The following CHD6 variants were observed in gnomAD, a reference collection of about 807,000 sequenced individuals.
The protein encoded by CHD6 is chromodomain helicase DNA binding protein 6.
Under a neutral mutation model 276.9 loss-of-function variants are expected in CHD6, and 50 were observed. The observed-to-expected ratio is 0.18, with a 90% confidence interval of 0.14 to 0.23. The LOEUF is 0.23. Ranked by LOEUF, CHD6 falls within the 10% of genes least tolerant of loss-of-function variation. The pLI is 1.00. For missense variants in CHD6, 2,564 were observed against 3,365.8 expected, an observed-to-expected ratio of 0.76 and a Z score of 5.89; for synonymous variants, 1,173 against 1,229.3, an observed-to-expected ratio of 0.95 and a Z score of 0.96.
At chr20:41,497,748 A>T in intron 7 of CHD6, 1 of 525,946 alleles carries the variant, frequency 1.9e-6, no homozygotes, top group East Asian at 3.3e-5. Context: ...GAACAGAGGC[A>T]GGGCAGCTGT....
In CHD6 at chr20:41,404,642, G is replaced by A. The variant is rs1179263967; in HGVS notation, c.8099C>T (p.Ala2700Val). The change falls in exon 37 of 37, where the codon GCA (alanine) becomes GTA (valine). Residue 2700 changes from alanine (A) to valine (V), a missense_variant. By Grantham distance (64) the Ala-to-Val change is moderately conservative. Coordinates refer to ENST00000373233, the MANE Select transcript of CHD6 (RefSeq NM_032221.5). ...APLPAEREHGAQAGEGALKDS... is the reference protein window; with the variant it reads ...APLPAEREHGVQAGEGALKDS... Reference sequence around the variant, plus strand: ...TTTGAGTGCCCCCTCCCCAGCCTGTGCCCCATGTTCTCTCTCTGCGGGCAA... The same window carrying A: ...TTTGAGTGCCCCCTCCCCAGCCTGTACCCCATGTTCTCTCTCTGCGGGCAA... 2.0e-6 allele frequency: 3 copies of A among 1,516,728 alleles called. No homozygotes were observed. The highest frequency in any genetic ancestry group is 2.6e-6 in the Non-Finnish European group (3 of 1,132,576). The allele number at this position is 1,516,728 out of a possible 1,614,324, so 94.0% of individuals were successfully genotyped here.
At chr20:41,546,682 A>G (rs538078395) in intron 2 of CHD6, among the ~76,000 whole-genome samples, 7 of 152,326 alleles carry the variant, frequency 4.6e-5, no homozygotes, top group South Asian at 4.1e-4. Flanking sequence ...TAGGTTTTCA[A>G]TGATTAGAGT....
intron 25 of CHD6, among the ~76,000 whole-genome samples, chr20:41,443,244 C>T (rs1175931696): frequency 6.6e-6 from 1 of 152,202 alleles, no homozygotes; most frequent in Non-Finnish European, 1.5e-5. Context: ...TTGGGAGCGA[C>T]CTTATGTATC....
chr20:41,471,423 C>G (rs1356888663), intron 17 of CHD6, among the ~76,000 whole-genome samples: 1 of 152,120 alleles, frequency 6.6e-6, no homozygotes, highest in Non-Finnish European at 1.5e-5. Context: ...ATCTTTTCAC[C>G]AGTAGAAAGA....
chr20:41,460,463 G>T (rs1030802020), intron 17 of CHD6, among the ~76,000 whole-genome samples: 2 of 152,144 alleles, frequency 1.3e-5, no homozygotes, highest in African/African-American at 4.8e-5. Context: ...GGTTTTGTGG[G>T]CTGGGCCCAG....
intron 6 of CHD6, 96 bp downstream of exon 6, chr20:41,499,199 C>T: frequency 1.1e-6 from 1 of 892,434 alleles, no homozygotes; most frequent in South Asian, 1.7e-5. Flanking sequence ...TCACTCCAGC[C>T]AATAATGGTC....
intron 17 of CHD6, among the ~76,000 whole-genome samples, chr20:41,464,043 C>T (rs1040044168): frequency 2.0e-5 from 3 of 151,854 alleles, no homozygotes; most frequent in African/African-American, 7.3e-5. Flanking sequence ...TGAGAAAGGG[C>T]AAAAATGATA....
rs777031416 is a variant in CHD6, at chr20:41,498,237, C to T, written c.916-11G>A. 4.4e-6 allele frequency: 7 copies of T among 1,607,720 alleles called. No individual in the cohort carries two copies. Among genetic ancestry groups the T allele is most frequent in the Non-Finnish European group, 5.9e-6 (7 of 1,177,364 alleles). On this transcript the variant is annotated splice_polypyrimidine_tract_variant and intron_variant, in intron 6 of 36. Coordinates refer to ENST00000373233, the MANE Select transcript of CHD6 (RefSeq NM_032221.5). ...TTCTCCTGGGTGAACCTGTAACAAA[C>T]AGCAAGCAGTTATCAGCCCAGATCC...
rs1336883414 is a variant in CHD6 at position 41,473,751 on chromosome 20, C to T, written c.2469-234G>A. ...AACAGAACAAAACAAAAAAACAAAA[C>T]AAAGCAAAAAAAAACCAGCTGTAAA... is the stretch of plus-strand genomic sequence containing the variant. On this transcript the variant is annotated intron_variant, in intron 16 of 36. Coordinates refer to ENST00000373233, the MANE Select transcript of CHD6 (RefSeq NM_032221.5). The surrounding 1 kb of genome is among the most constrained non-coding windows in gnomAD (Gnocchi z 4.1). Among the ~76,000 whole-genome samples, 2 of 150,978 alleles carry T rather than the reference C, an allele frequency of 1.3e-5. No homozygotes were observed. The highest frequency in any genetic ancestry group is 3.0e-5 in the Non-Finnish European group (2 of 67,674).
intron 2 of CHD6, among the ~76,000 whole-genome samples, chr20:41,546,079 G>A (rs1362967355): frequency 6.6e-6 from 1 of 152,108 alleles, no homozygotes; most frequent in African/African-American, 2.4e-5. Context: ...AATTGCTTTA[G>A]TTACTACTGA....
intron 1 of CHD6, among the ~76,000 whole-genome samples, chr20:41,603,995 C>G (rs1271750794): frequency 8.0e-6 from 1 of 125,142 alleles, no homozygotes; most frequent in Admixed American, 1.1e-4. Flanking sequence ...TGCATGTGTG[C>G]GCATGCGTGT....
chr20:41,440,243 A>C, intron 25 of CHD6, 114 bp from the exon 26 acceptor site: 1 of 972,858 alleles, frequency 1.0e-6, no homozygotes, highest in South Asian at 1.7e-5. Context: ...AACACAAAAA[A>C]ATAATTATTT....
rs1423933020 is a variant in CHD6, at chr20:41,420,547, T to C, written c.6088A>G (p.Lys2030Glu). 8.1e-6 allele frequency: 13 copies of C among 1,613,698 alleles called. No homozygotes were observed. Among genetic ancestry groups the C allele is most frequent in the Non-Finnish European group, 1.0e-5 (12 of 1,179,986 alleles). Residue 2030 changes from lysine to glutamate, a missense_variant, in exon 31 of 37, where the codon AAA (lysine) becomes GAA (glutamate). Lys to Glu is a moderately conservative substitution (Grantham distance 56). This residue lies in a region of CHD6 where 1,024 missense variants were observed against 1,047.9 expected (regional missense o/e 0.98). Coordinates refer to ENST00000373233, the MANE Select transcript of CHD6 (RefSeq NM_032221.5). ...TTTCCGTCTCTATCATAATCATCTT[T>C]ATTCTCAAAATCCATGTCTTCTGAT... ...LKSEDMDFENKDDYDRDGNCH... is the reference protein window; with the variant it reads ...LKSEDMDFENEDDYDRDGNCH...
chr20:41,541,156 T>C (rs1450343233), intron 2 of CHD6, among the ~76,000 whole-genome samples: 1 of 152,162 alleles, frequency 6.6e-6, no homozygotes, highest in Non-Finnish European at 1.5e-5. Context: ...GCAGGAACAA[T>C]GTCTGTCCGA....
At chr20:41,566,960 A>T (rs1400399567) in intron 1 of CHD6, among the ~76,000 whole-genome samples, 1 of 152,174 alleles carries the variant, frequency 6.6e-6, no homozygotes, top group Non-Finnish European at 1.5e-5. Context: ...GACCAAGGAC[A>T]CCTGGTTAGT....
chr20:41,438,434 A>G (rs1365442975), intron 26 of CHD6, among the ~76,000 whole-genome samples: 1 of 152,030 alleles, frequency 6.6e-6, no homozygotes, highest in African/African-American at 2.4e-5. Context: ...TACTAAAAAT[A>G]CAAAAATTAG....
At chr20:41,430,819 T>G (rs1458028112) in intron 27 of CHD6, among the ~76,000 whole-genome samples, 2 of 151,220 alleles carry the variant, frequency 1.3e-5, no homozygotes, top group Non-Finnish European at 2.9e-5. Context: ...ACAAAAGCAA[T>G]AATATAAACT....
chr20:41,515,002 A>G (rs767792765), intron 3 of CHD6, 50 bp from the exon 4 acceptor site: 15 of 1,595,124 alleles, frequency 9.4e-6, no homozygotes, highest in Non-Finnish European at 1.2e-5. Flanking sequence ...TTTAAAACTA[A>G]GATTTCTCAT....
chr20:41,491,816 G>A lies in CHD6; in HGVS notation c.1318C>T (p.Arg440Trp), dbSNP rs2043562227. 8 of 1,613,728 alleles carry A rather than the reference G, an allele frequency of 5.0e-6. No individual in the cohort carries two copies. The highest frequency in any genetic ancestry group is 4.5e-5 in the East Asian group (2 of 44,860). ...TTCTGCCAGGAGTCTGAAGCAGGCCGCTCCTAGGGAGGAAAGCAAACAGCA... is the reference window on the plus strand; with the variant it reads ...TTCTGCCAGGAGTCTGAAGCAGGCCACTCCTAGGGAGGAAAGCAAACAGCA... ...QVLPEIKHVE[R>W]PASDSWQKLE... Residue 440 changes from arginine (R) to tryptophan (W), a missense_variant, in exon 11 of 37, where the codon CGG (arginine) becomes TGG (tryptophan). Around this residue, in one of 7 missense-constraint regions of CHD6, gnomAD observed 457 missense variants for 889.0 expected, o/e 0.51. Transcript: ENST00000373233.
Sources: allele counts gnomAD v4.1 joint callset (sites outside exome capture counted in the v4.1 genomes callset), GRCh38; gene constraint gnomAD v4.1.1; regional missense constraint gnomAD v4.1.1; non-coding constraint Gnocchi (gnomAD v3.1); transcripts MANE v1.5; gene names NCBI Gene and HGNC (gene_info 2026-07-23, HGNC 2026-07-21).